TSPAN7: variants seen among roughly 807,000 people sequenced by gnomAD.
TSPAN7 encodes the protein tetraspanin-7.
TSPAN7 carries 1 observed loss-of-function variant against 17.6 expected under a neutral mutation model. That is an observed-to-expected ratio of 0.06 (90% CI 0.02 to 0.27). The LOEUF is 0.27. Ranked by LOEUF, TSPAN7 falls within the 10% of genes least tolerant of loss-of-function variation. The pLI is 1.00. For synonymous variants in TSPAN7, 78 were observed against 79.0 expected (o/e 0.99, Z 0.07); for missense variants, 112 against 201.7 (o/e 0.56, Z 2.69).
At chrX:38,570,079 CT>C (rs2069162416) in intron 1 of TSPAN7, among the ~76,000 whole-genome samples, 1 of 111,923 alleles carries the variant, frequency 8.9e-6, no homozygotes. Context: ...CTGAAGGTTG[CT>C]GCTGCTTTTT....
chrX:38,657,409 T>C (rs892166023), intron 1 of TSPAN7, among the ~76,000 whole-genome samples: 1 of 111,758 alleles, frequency 8.9e-6, no homozygotes, highest in Non-Finnish European at 1.9e-5. Flanking sequence ...ATGGGTCCAT[T>C]TTTACCACTT....
At chrX:38,567,305 A>G (rs1309411955) in intron 1 of TSPAN7, among the ~76,000 whole-genome samples, 1 of 112,649 alleles carries the variant, frequency 8.9e-6, no homozygotes, top group Non-Finnish European at 1.9e-5. Flanking sequence ...AGGCCCCAAA[A>G]TCATGGCTGA....
chrX:38,640,723 G>A (rs774395959), intron 1 of TSPAN7, among the ~76,000 whole-genome samples: 6 of 112,224 alleles, frequency 5.3e-5, no homozygotes, highest in Non-Finnish European at 1.1e-4. Flanking sequence ...TACAGAATAT[G>A]CATTTAAAAT....
chrX:38,588,351 T>C (rs374922711), intron 1 of TSPAN7, among the ~76,000 whole-genome samples: 1 of 111,594 alleles, frequency 9.0e-6, no homozygotes, highest in East Asian at 2.8e-4. Flanking sequence ...GGTATTTAAC[T>C]ACATCTTAAT....
chrX:38,584,143 C>T (rs970866758), intron 1 of TSPAN7, among the ~76,000 whole-genome samples: 10 of 108,146 alleles, frequency 9.2e-5, no homozygotes, highest in Non-Finnish European at 1.1e-4. Context: ...TTAGTAGAGA[C>T]GGGGTTTCAC....
At chrX:38,675,634 C>T in intron 4 of TSPAN7, 71 bp from the exon 5 acceptor site, 1 of 1,162,290 alleles carries the variant, frequency 8.6e-7, no homozygotes, top group Non-Finnish European at 1.2e-6. Context: ...TTATAAAAGT[C>T]ACAAGGCAGT....
intron 1 of TSPAN7, among the ~76,000 whole-genome samples, chrX:38,561,904 A>G (rs1240937978): frequency 1.8e-5 from 2 of 111,405 alleles, no homozygotes; most frequent in African/African-American, 6.5e-5. Flanking sequence ...ATGTTAATGC[A>G]TTAGTTTCTT....
intron 6 of TSPAN7, 135 bp from the exon 7 acceptor site, chrX:38,687,463 TA>T: frequency 1.9e-6 from 1 of 513,448 alleles, no homozygotes; most frequent in Non-Finnish European, 3.1e-6. Context: ...ACTTGGTTGT[TA>T]AAAAATTATG....
chrX:38,649,050 T>C (rs1455331544), intron 1 of TSPAN7, among the ~76,000 whole-genome samples: 2 of 112,050 alleles, frequency 1.8e-5, no homozygotes, highest in African/African-American at 6.5e-5. Context: ...AACATTTATT[T>C]TTATTATACC....
chrX:38,649,724 T>G (rs1029772936), intron 1 of TSPAN7, among the ~76,000 whole-genome samples: 1 of 112,059 alleles, frequency 8.9e-6, no homozygotes, highest in Non-Finnish European at 1.9e-5. Flanking sequence ...CAGGATGCAG[T>G]GTTTAAAGTC....
intron 1 of TSPAN7, among the ~76,000 whole-genome samples, chrX:38,572,111 C>G (rs1047942914): frequency 2.7e-5 from 3 of 111,270 alleles, no homozygotes; most frequent in African/African-American, 9.8e-5. Flanking sequence ...TAAAACAAAA[C>G]CCAGAATTCA....
chrX:38,586,400 T>C (rs898059684), intron 1 of TSPAN7, among the ~76,000 whole-genome samples: 1 of 112,551 alleles, frequency 8.9e-6, no homozygotes, highest in African/African-American at 3.2e-5. Context: ...AATGTGGAAT[T>C]ATAAAACAAT....
chrX:38,646,376 G>T (rs1439716939), intron 1 of TSPAN7: 2 of 1,024,397 alleles, frequency 2.0e-6, no homozygotes, highest in Non-Finnish European at 2.6e-6. Flanking sequence ...GTGGGATTTT[G>T]TGAAGGTAGT....
chrX:38,562,119 G>C (rs1270878723), intron 1 of TSPAN7, among the ~76,000 whole-genome samples: 4 of 111,588 alleles, frequency 3.6e-5, no homozygotes, highest in African/African-American at 1.3e-4. Flanking sequence ...ACGGGGCTGC[G>C]GGAGGGAGGC....
In TSPAN7 at chrX:38,674,236, C is replaced by T; in HGVS notation, c.361C>T (p.Leu121=). 4.2e-6 allele frequency: 5 copies of T among 1,198,421 alleles called. No homozygotes were observed. The South Asian group carries it at 7.3e-5, about 18-fold the overall frequency. ...VFRHEIKDTF[L]RTYTDAMQTY... is the part of the protein sequence containing the mutation. ...TCTTCCATAGATCAAGGACACCTTC[C>T]TGAGGACTTACACGGACGCTATGCA... Residue 121 remains leucine, a synonymous_variant, in exon 4 of 8, where the codon CTG becomes TTG. Transcript: ENST00000378482.
rs2069939275 is a variant in TSPAN7 at position 38,688,732 on chromosome X, T to C, written c.*801T>C. On this transcript the variant is annotated 3_prime_UTR_variant, in exon 8 of 8. Coordinates refer to ENST00000378482, the MANE Select transcript of TSPAN7 (RefSeq NM_004615.4). ...TACTACTTCTCTCTGTATTTTTTCTTGCATTGACATTATAGACATTGAGGA... is the reference window on the plus strand; with the variant it reads ...TACTACTTCTCTCTGTATTTTTTCTCGCATTGACATTATAGACATTGAGGA... 8.9e-6 allele frequency: 1 copy of C among 112,745 alleles called. No homozygotes were observed. The highest frequency in any genetic ancestry group is 1.9e-5 in the Non-Finnish European group (1 of 53,336). 9.3% of individuals were successfully genotyped at this position (112,745 alleles called of 1,213,427 possible). A position where few individuals can be genotyped will look rare whatever the true frequency, so the allele number is the denominator to read the frequency against.
At chrX:38,571,737 G>C (rs886716131) in intron 1 of TSPAN7, among the ~76,000 whole-genome samples, 1 of 106,864 alleles carries the variant, frequency 9.4e-6, no homozygotes, top group Non-Finnish European at 1.9e-5. Context: ...ACCTGGGTGT[G>C]TGAGTTAAAA....
At chrX:38,671,771 G>C (rs373198288) in intron 3 of TSPAN7, among the ~76,000 whole-genome samples, 1 of 111,692 alleles carries the variant, frequency 9.0e-6, no homozygotes, top group South Asian at 3.8e-4. Flanking sequence ...GGCTGGGCAT[G>C]GTGGCTCATA....
At chrX:38,686,842 G>C (rs1326139197) in intron 6 of TSPAN7, among the ~76,000 whole-genome samples, 2 of 111,926 alleles carry the variant, frequency 1.8e-5, no homozygotes, top group African/African-American at 3.3e-5. Context: ...AAGGCACAAA[G>C]ACAAGTGGAG....
Sources: gnomAD v4.1 joint callset for allele counts (sites outside exome capture counted in the v4.1 genomes callset) on GRCh38, gnomAD v4.1.1 for gene constraint, MANE v1.5 for transcripts, NCBI Gene and HGNC (gene_info 2026-07-23, HGNC 2026-07-21) for gene names.